The following NFASC variants were observed in gnomAD, a reference collection of about 807,000 sequenced individuals.
The protein encoded by NFASC is neurofascin homolog.
A neutral mutation model predicts 147.5 loss-of-function variants in NFASC; 43 were observed. That is an observed-to-expected ratio of 0.29 (90% confidence interval 0.23 to 0.38). The LOEUF (loss-of-function observed/expected upper bound fraction) is 0.38. Among genes scored for constraint, NFASC ranks in the 10% least tolerant of loss-of-function variants. The pLI is 1.00. For missense variants in NFASC, 1,320 were observed against 1,689.0 expected (o/e 0.78, Z 3.83); for synonymous variants, 622 against 665.5 (o/e 0.93, Z 1.01).
intron 1 of NFASC, among the ~76,000 whole-genome samples, chr1:204,907,978 GT>G (rs1340800348): frequency 6.6e-6 from 1 of 151,766 alleles, no homozygotes; most frequent in African/African-American, 2.4e-5. Context: ...ATGGGTTTTA[GT>G]TTTATTGTTT....
intron 1 of NFASC, among the ~76,000 whole-genome samples, chr1:204,853,412 TC>T (rs1247689203): frequency 6.6e-6 from 1 of 152,154 alleles, no homozygotes; most frequent in African/African-American, 2.4e-5. Context: ...GTCCCCCATG[TC>T]CCCCATTTAG....
chr1:204,894,346 A>G (rs1362430018), intron 1 of NFASC, among the ~76,000 whole-genome samples: 1 of 152,200 alleles, frequency 6.6e-6, no homozygotes, highest in Non-Finnish European at 1.5e-5. Context: ...GAAGATGGGA[A>G]TGGCTGTTGG....
chr1:204,905,447 A>T (rs926981235), intron 1 of NFASC, among the ~76,000 whole-genome samples: 3 of 151,978 alleles, frequency 2.0e-5, no homozygotes, highest in Non-Finnish European at 4.4e-5. Flanking sequence ...CATTTCCCTA[A>T]AGATTAGTGA....
chr1:204,951,366 G>A (rs2094115315), intron 4 of NFASC, among the ~76,000 whole-genome samples: 1 of 134,818 alleles, frequency 7.4e-6, no homozygotes, highest in African/African-American at 2.8e-5. Flanking sequence ...GTTTTACCAT[G>A]TTGGCCAGGC....
rs34856511 is a variant in NFASC at position 204,906,687 on chromosome 1, ATT to A, written c.-199-13933_-199-13932del. Reference sequence around the variant, plus strand: ...CAGTTTTTTGTGTGGACATATATGCATTTTTTTTTTTTTGAGATGGAGTCTCG... The same window carrying A: ...CAGTTTTTTGTGTGGACATATATGCATTTTTTTTTTTGAGATGGAGTCTCG... On this transcript the variant is annotated intron_variant, in intron 1 of 29. Transcript: ENST00000339876. 4.6e-3 allele frequency among the ~76,000 whole-genome samples: 671 copies of A among 145,688 alleles called. 3 individuals are homozygous for A. The highest frequency in any genetic ancestry group is 6.8e-3 in the Non-Finnish European group (452 of 66,160).
chr1:204,957,849 G>A (rs771944122), intron 8 of NFASC, 23 bp downstream of exon 8: 1 of 1,612,694 alleles, frequency 6.2e-7, no homozygotes, highest in East Asian at 2.2e-5. Flanking sequence ...CCCTGTCCCG[G>A]GGCTGGGGGC....
intron 8 of NFASC, among the ~76,000 whole-genome samples, chr1:204,963,299 A>T (rs1446316942): frequency 6.6e-6 from 1 of 152,326 alleles, no homozygotes; most frequent in Non-Finnish European, 1.5e-5. Context: ...TGTTTTCAAG[A>T]TAATGGGGCC....
At chr1:204,976,818 G>A in intron 16 of NFASC, 23 bp downstream of exon 16, 1 of 1,605,768 alleles carries the variant, frequency 6.2e-7, no homozygotes, top group South Asian at 1.1e-5. Context: ...GCTCACCCTG[G>A]CACTGACCAG....
At chr1:204,898,675 G>A (rs1056769488) in intron 1 of NFASC, among the ~76,000 whole-genome samples, 3 of 152,150 alleles carry the variant, frequency 2.0e-5, no homozygotes, top group African/African-American at 7.2e-5. Flanking sequence ...GGGAGACGGG[G>A]GAGCAGAGAC....
chr1:204,986,926 G>A lies in NFASC; in HGVS notation c.2471-492G>A, dbSNP rs1040310553. 9.6e-5 allele frequency: 15 copies of A among 156,328 alleles called. No homozygotes were observed. The highest frequency in any genetic ancestry group is 2.5e-4 in the Admixed American group (4 of 16,026). 9.7% of individuals were successfully genotyped at this position (156,328 alleles called of 1,614,324 possible). ...TCCCACCCTCCCACCTCTTCCGGAT[G>A]TTCCACCCTGGCTTTCTGTCTCCTT... On this transcript the variant is annotated intron_variant, in intron 21 of 29. Coordinates refer to ENST00000339876, the MANE Select transcript of NFASC (RefSeq NM_001005388.3). The surrounding 1 kb of genome is among the most constrained non-coding windows in gnomAD (Gnocchi z 4.2).
At chr1:205,001,845 A>G (rs2095994813) in intron 26 of NFASC, among the ~76,000 whole-genome samples, 1 of 152,108 alleles carries the variant, frequency 6.6e-6, no homozygotes, top group South Asian at 2.1e-4. Context: ...CCCCTGAGTG[A>G]AGGACCCTGT....
chr1:204,924,307 A>G (rs1042923061), intron 2 of NFASC, among the ~76,000 whole-genome samples: 4 of 152,222 alleles, frequency 2.6e-5, no homozygotes, highest in Non-Finnish European at 5.9e-5. Flanking sequence ...GAGGGAGAGA[A>G]GGAACAGGTG....
At chr1:204,961,594 C>A (rs1335020057) in intron 8 of NFASC, among the ~76,000 whole-genome samples, 1 of 152,270 alleles carries the variant, frequency 6.6e-6, no homozygotes, top group East Asian at 1.9e-4. Context: ...TGGTCAATGA[C>A]CTCCTCCCAT....
At chr1:204,862,017 C>T (rs1167386979) in intron 1 of NFASC, among the ~76,000 whole-genome samples, 2 of 152,206 alleles carry the variant, frequency 1.3e-5, no homozygotes, top group Non-Finnish European at 2.9e-5. Flanking sequence ...CTTATTTACT[C>T]ATACATGTGC....
intron 1 of NFASC, among the ~76,000 whole-genome samples, chr1:204,908,429 A>T (rs1462054108): frequency 6.6e-6 from 1 of 152,198 alleles, no homozygotes; most frequent in African/African-American, 2.4e-5. Context: ...GGAAAGGAAG[A>T]TATATTATGA....
intron 3 of NFASC, among the ~76,000 whole-genome samples, chr1:204,949,609 A>T (rs1235246791): frequency 6.6e-6 from 1 of 152,244 alleles, no homozygotes; most frequent in Admixed American, 6.5e-5. Context: ...CACAAAAAGC[A>T]CACCATCTAA....
chr1:204,851,655 T>C (rs1048146880), intron 1 of NFASC, among the ~76,000 whole-genome samples: 1 of 152,138 alleles, frequency 6.6e-6, no homozygotes, highest in Non-Finnish European at 1.5e-5. Flanking sequence ...TATTATCTAG[T>C]TAATCTGGAA....
At chr1:204,941,254 C>T (rs572968440) in intron 2 of NFASC, among the ~76,000 whole-genome samples, 3 of 152,148 alleles carry the variant, frequency 2.0e-5, no homozygotes, top group Non-Finnish European at 4.4e-5. Flanking sequence ...TTCTTTTCCT[C>T]TTGTAAGGTT....
intron 27 of NFASC, among the ~76,000 whole-genome samples, chr1:205,005,839 G>A (rs1431563156): frequency 6.6e-6 from 1 of 152,150 alleles, no homozygotes; most frequent in African/African-American, 2.4e-5. Context: ...CGGTAAGGAC[G>A]GAAGGTAACA....
Sources: allele counts gnomAD v4.1 joint callset (sites outside exome capture counted in the v4.1 genomes callset), GRCh38; gene constraint gnomAD v4.1.1; non-coding constraint Gnocchi (gnomAD v3.1); transcripts MANE v1.5; gene names NCBI Gene and HGNC (gene_info 2026-07-23, HGNC 2026-07-21).